C16orf89: variants seen among roughly 807,000 people sequenced by gnomAD.
C16orf89 encodes the protein chromosome 16 open reading frame 89.
A neutral mutation model predicts 41.5 loss-of-function variants in C16orf89; 57 were observed. The observed-to-expected ratio is 1.38, with a 90% confidence interval of 1.11 to 1.71. The LOEUF (loss-of-function observed/expected upper bound fraction) is 1.71, where lower values mean the gene tolerates loss of function less well. Among genes scored for constraint, C16orf89 ranks in the 40% most tolerant of loss-of-function variants. The pLI, the probability that C16orf89 is intolerant of heterozygous loss-of-function variation, is 0.00. For synonymous variants in C16orf89, 223 were observed against 190.6 expected, an observed-to-expected ratio of 1.17 and a Z score of -1.40; for missense variants, 575 against 445.9, an observed-to-expected ratio of 1.29 and a Z score of -2.61.
intron 5 of C16orf89, chr16:5,055,577 C>G (rs1005714690): frequency 7.0e-5 from 87 of 1,246,360 alleles, no homozygotes; most frequent in Non-Finnish European, 9.2e-5. Context: ...CAGGGCTGCT[C>G]CAAAGTCAGG....
intron 2 of C16orf89, 67 bp from the exon 3 acceptor site, chr16:5,060,503 T>A (rs1956595785): frequency 2.7e-6 from 4 of 1,478,104 alleles, no homozygotes; most frequent in East Asian, 2.4e-5. Context: ...GCCACCCTGG[T>A]GTCCCCACCT....
chr16:5,052,120 AGAAG>A (rs1956409280), intron 6 of C16orf89, among the ~76,000 whole-genome samples: 1 of 145,352 alleles, frequency 6.9e-6, no homozygotes, highest in South Asian at 2.2e-4. Context: ...AAAAAAAAAA[AGAAG>A]GAAAAAGAAA....
chr16:5,057,773 C>T (rs1956540833), intron 4 of C16orf89, among the ~76,000 whole-genome samples: 1 of 152,048 alleles, frequency 6.6e-6, no homozygotes, highest in South Asian at 2.1e-4. Flanking sequence ...AAGTGATCCA[C>T]CCACCTCAGC....
chr16:5,055,393 G>C lies in C16orf89; in HGVS notation c.764-43C>G, dbSNP rs369309458. 49 of 1,496,186 alleles carry C rather than the reference G, an allele frequency of 3.3e-5. 1 individual carries two copies. The African/African-American group carries it at 5.3e-4, about 16-fold the overall frequency. 92.7% of individuals were successfully genotyped at this position (1,496,186 alleles called of 1,614,324 possible). ...GGCCCTCTGCAGGCCTGCCCCCCAG[G>C]CCCACCTCCTCCCACTCCCCAGGGC... On this transcript the variant is annotated intron_variant, in intron 5 of 7. Coordinates refer to ENST00000472572, the MANE Select transcript of C16orf89 (RefSeq NM_001098514.3).
chr16:5,054,465 C>T (rs2142633831), intron 6 of C16orf89, among the ~76,000 whole-genome samples: 1 of 152,304 alleles, frequency 6.6e-6, no homozygotes, highest in South Asian at 2.1e-4. Flanking sequence ...TCTTCTTCCT[C>T]ACCCTGTCGT....
At chr16:5,046,479 G>C (rs1214988334) in intron 7 of C16orf89, among the ~76,000 whole-genome samples, 1 of 148,996 alleles carries the variant, frequency 6.7e-6, no homozygotes, top group Non-Finnish European at 1.5e-5. Context: ...AGCCTTCCAG[G>C]TAGCGGGATT....
At chr16:5,054,463 C>T (rs930348236) in intron 6 of C16orf89, among the ~76,000 whole-genome samples, 2 of 152,166 alleles carry the variant, frequency 1.3e-5, no homozygotes, top group African/African-American at 4.8e-5. Context: ...TCTCTTCTTC[C>T]TCACCCTGTC....
Position 5,050,415 on chromosome 16 carries a change from A to G in C16orf89, c.869-2451T>C, listed in dbSNP as rs138980585. 2.0e-4 allele frequency among the ~76,000 whole-genome samples: 30 copies of G among 152,260 alleles called. No homozygotes were observed. The East Asian group carries it at 5.8e-3, about 29-fold the overall frequency. ...TGGAAATGGATAAATTGCTGGACAC[A>G]TACGACATACTGAAATTGAACCAAG... On this transcript the variant is annotated intron_variant, in intron 6 of 7. Transcript: ENST00000472572.
rs185207913 is a variant in C16orf89, at chr16:5,056,699, T to G, written c.628-511A>C. Among the ~76,000 whole-genome samples, 9 of 152,306 alleles carry G rather than the reference T, an allele frequency of 5.9e-5. No individual in the cohort carries two copies. In the East Asian group the frequency reaches 1.5e-3, roughly 26 times the overall value. ...GAAGAACAAGAGTTGACAGCAGGCTTTAGACACTTCTGTAGCAGTGGTCAG... is the reference window on the plus strand; with the variant it reads ...GAAGAACAAGAGTTGACAGCAGGCTGTAGACACTTCTGTAGCAGTGGTCAG... On this transcript the variant is annotated intron_variant, in intron 4 of 7. Coordinates refer to ENST00000472572, the MANE Select transcript of C16orf89 (RefSeq NM_001098514.3).
chr16:5,063,509 G>A (rs564951385), intron 1 of C16orf89, among the ~76,000 whole-genome samples: 1 of 152,194 alleles, frequency 6.6e-6, no homozygotes, highest in African/African-American at 2.4e-5. Flanking sequence ...CACAGCAGGA[G>A]GTGAGTGGTG....
Position 5,062,549 on chromosome 16 carries a change from C to T in C16orf89, c.234G>A (p.Lys78=). 3 of 1,612,828 alleles carry T rather than the reference C, an allele frequency of 1.9e-6. No individual in the cohort carries two copies. The highest frequency in any genetic ancestry group is 1.1e-5 in the South Asian group (1 of 90,894). Residue 78 remains lysine (K), a synonymous_variant, in exon 2 of 8, where the codon AAG becomes AAA. Transcript: ENST00000472572. ...GCTGCAGCAGGGGCTCCTGGGCCCA[C>T]TTCTCCCGGACACTTTTTAGCTGCT... The part of the protein sequence containing the change: ...LEEQLKSVRE[K]WAQEPLLQPL...
chr16:5,058,995 T>A (rs1956564556), intron 3 of C16orf89, among the ~76,000 whole-genome samples: 1 of 152,052 alleles, frequency 6.6e-6, no homozygotes, highest in Non-Finnish European at 1.5e-5. Context: ...ATTCTAGCAC[T>A]TTGGGAGGCT....
At chr16:5,046,615 T>G (rs1005658574) in intron 7 of C16orf89, among the ~76,000 whole-genome samples, 3 of 152,168 alleles carry the variant, frequency 2.0e-5, no homozygotes, top group Admixed American at 6.5e-5. Flanking sequence ...CCTCCCAAAG[T>G]GCTAGGATTA....
intron 1 of C16orf89, among the ~76,000 whole-genome samples, chr16:5,064,568 C>T (rs1365202160): frequency 6.6e-6 from 1 of 152,218 alleles, no homozygotes; most frequent in Non-Finnish European, 1.5e-5. Flanking sequence ...TGGGGGAGAT[C>T]CAGGATTTGA....
rs754425569 is a variant in C16orf89, at chr16:5,056,123, C to G, written c.693G>C (p.Met231Ile). 1 of 1,599,530 alleles carries G rather than the reference C, an allele frequency of 6.3e-7. No individual in the cohort carries two copies. The highest frequency in any genetic ancestry group is 1.1e-5 in the South Asian group (1 of 90,834). Residue 231 changes from methionine to isoleucine, a missense_variant, in exon 5 of 8, where the codon ATG becomes ATC. Transcript: ENST00000472572. ...CCTCAGCTCTGCGGTTCAAGTCCATCATGTTGGCGCAGAAGAGGTTGATAT... is the reference window on the plus strand; with the variant it reads ...CCTCAGCTCTGCGGTTCAAGTCCATGATGTTGGCGCAGAAGAGGTTGATAT... ...QDYINLFCAN[M>I]MDLNRRAEAI...
chr16:5,055,583 T>A, intron 5 of C16orf89: 2 of 1,256,908 alleles, frequency 1.6e-6, no homozygotes, highest in Non-Finnish European at 2.2e-6. Context: ...TGCTCCAAAG[T>A]CAGGATCAGT....
intron 6 of C16orf89, among the ~76,000 whole-genome samples, chr16:5,053,687 G>A (rs570062211): frequency 7.2e-5 from 11 of 152,062 alleles, no homozygotes; most frequent in Non-Finnish European, 1.6e-4. Flanking sequence ...GGGACCATAG[G>A]TGTGCGCCAC....
At chr16:5,061,504 A>AAAAGAAAC (rs1567159542) in intron 2 of C16orf89, among the ~76,000 whole-genome samples, 2 of 62,594 alleles carry the variant, frequency 3.2e-5, no homozygotes, top group African/African-American at 1.1e-4. Flanking sequence ...AAAAAAAAAA[A>AAAAGAAAC]CCCCCCCAAA....
chr16:5,056,307 G>A, intron 4 of C16orf89, 119 bp from the exon 5 acceptor site: 1 of 956,560 alleles, frequency 1.0e-6, no homozygotes, highest in Non-Finnish European at 1.5e-6. Flanking sequence ...GTTTAGGGCT[G>A]TGTTTAGGGC....
Sources: allele counts gnomAD v4.1 joint callset (sites outside exome capture counted in the v4.1 genomes callset), GRCh38; gene constraint gnomAD v4.1.1; transcripts MANE v1.5; gene names NCBI Gene and HGNC (gene_info 2026-07-23, HGNC 2026-07-21).